BRD8: variants seen among roughly 807,000 people sequenced by gnomAD.
BRD8 encodes the protein bromodomain containing 8.
A neutral mutation model predicts 143.1 loss-of-function variants in BRD8; 67 were observed. The observed-to-expected ratio is 0.47, with a 90% confidence interval of 0.38 to 0.57. BRD8 has a LOEUF of 0.57. Among genes scored for constraint, BRD8 ranks in the 20% least tolerant of loss-of-function variants. The pLI is 0.00. For missense variants in BRD8, 1,103 were observed against 1,503.0 expected (o/e 0.73, Z 4.40); for synonymous variants, 505 against 517.1 (o/e 0.98, Z 0.32).
Position 138,144,918 on chromosome 5 carries a change from AATAT to A in BRD8, c.3437+255_3437+258del, listed in dbSNP as rs71583301. Among the ~76,000 whole-genome samples the A allele has an allele frequency of 3.9e-3, 349 of 89,766 alleles. 8 individuals are homozygous for A. Among genetic ancestry groups the A allele is most frequent in the Middle Eastern group, 0.023 (4 of 174 alleles). 58.9% of individuals were successfully genotyped at this position (89,766 alleles called of 152,430 possible). A position where few individuals can be genotyped will look rare whatever the true frequency, so the allele number is the denominator to read the frequency against. On this transcript the variant is annotated intron_variant, in intron 25 of 26. Coordinates refer to ENST00000254900, the MANE Select transcript of BRD8 (RefSeq NM_139199.2). ...CCTGTCAAAAAAAAAAAAAAAAAAA[AATAT>A]ATATATATATAGAATGGATCATATT...
rs1752131676 is a variant in BRD8 at position 138,145,940 on chromosome 5, C to T, written c.3279-62G>A. ...TTCACAAATAATATTCTATCTCCCC[C>T]AGGTGGGTAATGAGGTTTTCTTAAG... is the stretch of plus-strand genomic sequence containing the variant. On this transcript the variant is annotated intron_variant, in intron 23 of 26. Coordinates refer to ENST00000254900, the MANE Select transcript of BRD8 (RefSeq NM_139199.2). The T allele has an allele frequency of 1.6e-5, 23 of 1,407,276 alleles. No individual in the cohort carries two copies. The South Asian group carries it at 2.1e-4, about 13-fold the overall frequency. The allele number at this position is 1,407,276 out of a possible 1,614,324, so 87.2% of individuals were successfully genotyped here. A position where few individuals can be genotyped will look rare whatever the true frequency, so the allele number is the denominator to read the frequency against.
At chr5:138,177,796 G>A in intron 1 of BRD8, 129 bp from the exon 2 acceptor site, 1 of 535,044 alleles carries the variant, frequency 1.9e-6, no homozygotes, top group East Asian at 2.9e-5. Context: ...GACAAAGTGA[G>A]CTACTATAAC....
At chr5:138,169,701 G>C (rs1459331028) in intron 7 of BRD8, among the ~76,000 whole-genome samples, 1 of 152,180 alleles carries the variant, frequency 6.6e-6, no homozygotes. Flanking sequence ...AGGTGCAGTG[G>C]CTCACGGCTG....
At chr5:138,163,568 A>T in intron 14 of BRD8, 1 of 1,333,568 alleles carries the variant, frequency 7.5e-7, no homozygotes, top group Non-Finnish European at 9.9e-7. Flanking sequence ...AAAAAGAAAG[A>T]AAAAAAAAAG....
Position 138,165,888 on chromosome 5 carries a change from G to A in BRD8, c.1218C>T (p.Tyr406=). 1 of 1,614,194 alleles carries A rather than the reference G, an allele frequency of 6.2e-7. No homozygotes were observed. Among genetic ancestry groups the A allele is most frequent in the Non-Finnish European group, 8.5e-7 (1 of 1,180,032 alleles). ...LAEKMDIAVS[Y]TGEELDFETV... ...TCTCAAAATCCAGCTCTTCACCTGT[G>A]TAAGACACAGCAATATCCATCTTCT... Residue 406 remains tyrosine, a synonymous_variant, in exon 11 of 27, where the codon TAC becomes TAT. Coordinates refer to ENST00000254900, the MANE Select transcript of BRD8 (RefSeq NM_139199.2).
In BRD8 at chr5:138,157,310, G is replaced by A. The variant is rs765326085; in HGVS notation, c.2577+2245C>T. 8 of 1,612,466 alleles carry A rather than the reference G, an allele frequency of 5.0e-6. No homozygotes were observed. The South Asian group carries it at 6.6e-5, about 13-fold the overall frequency. ...AAAGAAAGGGAGCATGAGTTGGTCA[G>A]GAGACAAGAGACGGTGCAACAGAAA... is the stretch of plus-strand genomic sequence containing the variant. On this transcript the variant is annotated intron_variant, in intron 20 of 26. Coordinates refer to ENST00000254900, the MANE Select transcript of BRD8 (RefSeq NM_139199.2).
intron 13 of BRD8, 82 bp from the exon 14 acceptor site, chr5:138,164,215 C>G (rs1753221979): frequency 6.3e-7 from 1 of 1,577,722 alleles, no homozygotes; most frequent in African/African-American, 1.3e-5. Flanking sequence ...CTGCAGCTCT[C>G]CTTTACATGC....
At chr5:138,145,761 T>A (rs1454287345) in intron 24 of BRD8, 28 bp downstream of exon 24, 1 of 1,582,730 alleles carries the variant, frequency 6.3e-7, no homozygotes, top group African/African-American at 1.3e-5. Context: ...GCTCTGAACA[T>A]AATCCTATTA....
At chr5:138,155,271 A>C (rs1037208538) in intron 20 of BRD8, among the ~76,000 whole-genome samples, 19 of 150,050 alleles carry the variant, frequency 1.3e-4, no homozygotes, top group Non-Finnish European at 2.5e-4. Context: ...ACATGGAGAA[A>C]CCCCACCTCT....
Position 138,165,038 on chromosome 5 carries a change from C to T in BRD8, c.1407G>A (p.Lys469=). 1.2e-6 allele frequency: 2 copies of T among 1,614,142 alleles called. No homozygotes were observed. The highest frequency in any genetic ancestry group is 1.7e-6 in the Non-Finnish European group (2 of 1,180,016). The change falls in exon 12 of 27, where the codon AAG becomes AAA. Residue 469 remains lysine, a synonymous_variant. Coordinates refer to ENST00000254900, the MANE Select transcript of BRD8 (RefSeq NM_139199.2). ...TTTCTGGTGCAGGGAGAGGTACTGG[C>T]TTGTCCCGCTCCTGCTGGATAGGAT... is the stretch of plus-strand genomic sequence containing the variant. The part of the protein sequence containing the change: ...WEHPIQQERD[K]PVPLPAPEMT...
chr5:138,175,910 T>G (rs1283484236), intron 2 of BRD8, among the ~76,000 whole-genome samples: 2 of 56,602 alleles, frequency 3.5e-5, no homozygotes, highest in Non-Finnish European at 6.1e-5. Context: ...AGACCCTGTC[T>G]GCAAAAAAAA....
intron 26 of BRD8, 112 bp from the exon 27 acceptor site, chr5:138,140,278 A>T: frequency 1.3e-6 from 1 of 757,910 alleles, no homozygotes; most frequent in Admixed American, 2.5e-5. Flanking sequence ...TTAAAGTATG[A>T]TGCTACCCAG....
Position 138,164,829 on chromosome 5 carries a change from A to G in BRD8, c.1616T>C (p.Leu539Pro). Residue 539 changes from leucine (L) to proline (P), a missense_variant, in exon 12 of 27, where the codon CTC becomes CCC. By Grantham distance (98) the Leu-to-Pro change is moderately conservative. Transcript: ENST00000254900. ...VPATSMEPPE[L>P]RSQDLDEELG... is the part of the protein sequence containing the mutation. The stretch of plus-strand genomic sequence containing the variant: ...TTCCTCATCTAAGTCCTGACTCCTG[A>G]GTTCTGGTGGCTCCATACTTGTGGC... 1 of 1,614,166 alleles carries G rather than the reference A, an allele frequency of 6.2e-7. No individual in the cohort carries two copies. The highest frequency in any genetic ancestry group is 8.5e-7 in the Non-Finnish European group (1 of 1,180,044).
At chr5:138,174,921 GCT>G (rs1283646308) in intron 2 of BRD8, among the ~76,000 whole-genome samples, 1 of 134,810 alleles carries the variant, frequency 7.4e-6, no homozygotes, top group African/African-American at 2.8e-5. Flanking sequence ...ATGGCGTCTT[GCT>G]CTGTTGCCCA....
At chr5:138,141,145 T>C (rs1406503321) in intron 25 of BRD8, among the ~76,000 whole-genome samples, 1 of 152,156 alleles carries the variant, frequency 6.6e-6, no homozygotes, top group Non-Finnish European at 1.5e-5. Context: ...TTTTTTTTTT[T>C]TGAGTCGGAG....
chr5:138,145,267 G>A, intron 24 of BRD8, 22 bp from the exon 25 acceptor site: 1 of 1,607,602 alleles, frequency 6.2e-7, no homozygotes, highest in Non-Finnish European at 8.5e-7. Context: ...CAAACCCAGA[G>A]AGGATAAAGA....
chr5:138,151,583 C>T (rs1406892481), intron 21 of BRD8, among the ~76,000 whole-genome samples: 1 of 152,232 alleles, frequency 6.6e-6, no homozygotes, highest in Non-Finnish European at 1.5e-5. Context: ...TACAAGGATA[C>T]TCATAAAGCA....
chr5:138,146,320 A>G (rs1752148524), intron 23 of BRD8, among the ~76,000 whole-genome samples: 1 of 147,716 alleles, frequency 6.8e-6, no homozygotes, highest in South Asian at 2.1e-4. Flanking sequence ...AGCCTCCCAA[A>G]GTGCTGGGAT....
At chr5:138,162,236 GT>G in intron 15 of BRD8, 90 bp from the exon 16 acceptor site, 1 of 1,037,368 alleles carries the variant, frequency 9.6e-7, no homozygotes, top group Non-Finnish European at 1.4e-6. Context: ...GTCTCACTCT[GT>G]CCCCCAGGCT....
Sources: gnomAD v4.1 joint callset for allele counts (sites outside exome capture counted in the v4.1 genomes callset) on GRCh38, gnomAD v4.1.1 for gene constraint, MANE v1.5 for transcripts, NCBI Gene and HGNC (gene_info 2026-07-23, HGNC 2026-07-21) for gene names.